TSG101: variants seen among roughly 807,000 people sequenced by gnomAD.
TSG101 encodes the protein tumor susceptibility 101.
TSG101 carries 19 observed loss-of-function variants against 48.5 expected under a neutral mutation model. The ratio of observed to expected loss-of-function variants is 0.39; its 90% CI spans 0.27 to 0.58. The LOEUF is 0.58. Among genes scored for constraint, TSG101 ranks in the 20% least tolerant of loss-of-function variants. The pLI is 0.55. For synonymous variants in TSG101, 174 were observed against 169.4 expected (o/e 1.03, Z -0.21); for missense variants, 365 against 484.4 (o/e 0.75, Z 2.31).
At chr11:18,491,242 T>A (rs77157134) in intron 7 of TSG101, 6,389 of 153,334 alleles carry the variant, frequency 0.042, 287 homozygotes, top group East Asian at 0.2. Context: ...CAGAACTTCC[T>A]GACTAATTAG....
intron 4 of TSG101, among the ~76,000 whole-genome samples, chr11:18,513,664 A>C (rs1421151412): frequency 2.0e-5 from 3 of 152,148 alleles, no homozygotes; most frequent in African/African-American, 7.2e-5. Flanking sequence ...ACTTTGGTAG[A>C]CAGAACAGCA....
At chr11:18,502,788 T>G (rs1294756025) in intron 6 of TSG101, among the ~76,000 whole-genome samples, 2 of 152,256 alleles carry the variant, frequency 1.3e-5, no homozygotes, top group Non-Finnish European at 1.5e-5. Context: ...TAAATGCTCT[T>G]GCTTGGTCCC....
chr11:18,511,809 C>T (rs1850087526), intron 4 of TSG101, among the ~76,000 whole-genome samples: 1 of 152,178 alleles, frequency 6.6e-6, no homozygotes. Context: ...CCTTTCCCCA[C>T]AGCCCTTTAG....
At position 18,483,712 on chromosome 11, in the gene TSG101, A is replaced by G. The variant is rs1205366817; in HGVS notation, c.843+158T>C. On this transcript the variant is annotated intron_variant, in intron 8 of 9. Transcript: ENST00000251968. Reference sequence around the variant, plus strand: ...AGACCAAATGCCAAACATAGGCTCCACTGTAAACAAAGGTATAAAAAATTA... The same window carrying G: ...AGACCAAATGCCAAACATAGGCTCCGCTGTAAACAAAGGTATAAAAAATTA... 6.8e-6 allele frequency: 5 copies of G among 734,952 alleles called. No individual in the cohort carries two copies. The African/African-American group carries it at 7.1e-5, about 10-fold the overall frequency. The allele number at this position is 734,952 out of a possible 1,614,324, so 45.5% of individuals were successfully genotyped here. A position where few individuals can be genotyped will look rare whatever the true frequency, so the allele number is the denominator to read the frequency against.
chr11:18,526,644 A>G, intron 1 of TSG101, 131 bp downstream of exon 1: 2 of 1,059,252 alleles, frequency 1.9e-6, no homozygotes, highest in Non-Finnish European at 2.6e-6. Context: ...GGTTCTGAGG[A>G]GGTCGCTAAG....
chr11:18,513,980 G>A (rs990944542), intron 4 of TSG101, among the ~76,000 whole-genome samples: 2 of 152,016 alleles, frequency 1.3e-5, no homozygotes, highest in Admixed American at 6.6e-5. Flanking sequence ...TCAGTAGGTT[G>A]AGTCTACCAA....
At chr11:18,490,185 G>A (rs1235906946) in intron 7 of TSG101, 5 of 310,106 alleles carry the variant, frequency 1.6e-5, no homozygotes, top group Middle Eastern at 1.2e-3. Context: ...AGGGATATAC[G>A]TGGAGGGTAC....
chr11:18,488,945 T>C (rs1423985124), intron 7 of TSG101, among the ~76,000 whole-genome samples: 4 of 151,906 alleles, frequency 2.6e-5, no homozygotes, highest in Admixed American at 1.3e-4. Context: ...TGAAAACCCA[T>C]CTCTACTAAA....
chr11:18,512,366 A>G (rs1850098136), intron 4 of TSG101, among the ~76,000 whole-genome samples: 1 of 152,026 alleles, frequency 6.6e-6, no homozygotes, highest in Non-Finnish European at 1.5e-5. Context: ...TGAGTTCTTA[A>G]TCTCTATTAT....
At chr11:18,508,623 T>TA (rs760720427) in intron 5 of TSG101, 2 of 152,182 alleles carry the variant, frequency 1.3e-5, no homozygotes, top group Non-Finnish European at 2.9e-5. Context: ...ATAGTAATCC[T>TA]AAAATCAAGC....
chr11:18,480,364 G>T lies in TSG101; in HGVS notation c.*182C>A. ...CAACATTCAGCACAAAAAGTTTACA[G>T]AGGATAGAAAGTGCATTAATAAAAG... On this transcript the variant is annotated 3_prime_UTR_variant, in exon 10 of 10. Coordinates refer to ENST00000251968, the MANE Select transcript of TSG101 (RefSeq NM_006292.4). 2.3e-6 allele frequency: 1 copy of T among 438,190 alleles called. No homozygotes were observed. The highest frequency in any genetic ancestry group is 4.0e-6 in the Non-Finnish European group (1 of 249,318). The allele number at this position is 438,190 out of a possible 1,614,324, so 27.1% of individuals were successfully genotyped here. A position where few individuals can be genotyped will look rare whatever the true frequency, so the allele number is the denominator to read the frequency against.
At chr11:18,516,196 G>A in intron 2 of TSG101, 32 bp from the exon 3 acceptor site, 2 of 1,596,408 alleles carry the variant, frequency 1.3e-6, no homozygotes, top group Non-Finnish European at 8.6e-7. Context: ...TTAATCATGA[G>A]CATTTTTTAA....
intron 6 of TSG101, among the ~76,000 whole-genome samples, chr11:18,505,634 A>G (rs537487561): frequency 6.6e-6 from 1 of 152,196 alleles, no homozygotes; most frequent in Non-Finnish European, 1.5e-5. Flanking sequence ...TTGACTTTCT[A>G]GCGTGTGTTA....
rs112480739 is a variant in TSG101 at position 18,487,262 on chromosome 11, T to TAA, written c.641-3192_641-3191dup. Among the ~76,000 whole-genome samples the TAA allele has an allele frequency of 2.5e-3, 344 of 137,846 alleles. 3 individuals carry two copies. The highest frequency in any genetic ancestry group is 0.023 in the Middle Eastern group (6 of 266). 90.4% of individuals were successfully genotyped at this position (137,846 alleles called of 152,430 possible). On this transcript the variant is annotated intron_variant, in intron 7 of 9. Transcript: ENST00000251968. ...ATGTACCCTAAAACTTAAAGTATAATAAAAAAAAAAAAGAAAAAAAAATTT... is the reference window on the plus strand; with the variant it reads ...ATGTACCCTAAAACTTAAAGTATAATAAAAAAAAAAAAAAGAAAAAAAAATTT...
At chr11:18,483,024 G>C (rs1849565661) in intron 8 of TSG101, among the ~76,000 whole-genome samples, 1 of 141,726 alleles carries the variant, frequency 7.1e-6, no homozygotes. Context: ...AGGGACCTGT[G>C]TGCGTGTGTG....
chr11:18,504,846 G>A (rs973766579), intron 6 of TSG101, among the ~76,000 whole-genome samples: 2 of 152,106 alleles, frequency 1.3e-5, no homozygotes, highest in Non-Finnish European at 2.9e-5. Flanking sequence ...AAGGCTTCAG[G>A]TAGGATTCCA....
At position 18,480,521 on chromosome 11, in the gene TSG101, C is replaced by T. The variant is rs760139840; in HGVS notation, c.*25G>A. On this transcript the variant is annotated 3_prime_UTR_variant, in exon 10 of 10. Transcript: ENST00000251968. ...AGAGAAGAATACTTTAAGAAGAGCT[C>T]AACCTCCAGCTGGTATCAGAGAAGT... The T allele has an allele frequency of 1.9e-6, 3 of 1,596,868 alleles. No individual in the cohort carries two copies. Among genetic ancestry groups the T allele is most frequent in the Admixed American group, 3.4e-5 (2 of 59,322 alleles).
At chr11:18,513,364 T>C (rs1238103391) in intron 4 of TSG101, among the ~76,000 whole-genome samples, 1 of 152,148 alleles carries the variant, frequency 6.6e-6, no homozygotes, top group African/African-American at 2.4e-5. Flanking sequence ...GATGCAATCA[T>C]GGCTCACTGC....
intron 4 of TSG101, 120 bp from the exon 5 acceptor site, chr11:18,509,785 T>C: frequency 9.4e-7 from 1 of 1,063,986 alleles, no homozygotes; most frequent in African/African-American, 1.6e-5. Flanking sequence ...AGGACCCCAA[T>C]CATGAAAATT....
Sources: allele counts gnomAD v4.1 joint callset (sites outside exome capture counted in the v4.1 genomes callset), GRCh38; gene constraint gnomAD v4.1.1; transcripts MANE v1.5; gene names NCBI Gene and HGNC (gene_info 2026-07-23, HGNC 2026-07-21).